The following TENM4 variants were observed in gnomAD, a reference collection of about 807,000 sequenced individuals.
TENM4 encodes teneurin transmembrane protein 4.
TENM4 carries 82 observed loss-of-function variants against 243.3 expected under a neutral mutation model. The observed-to-expected ratio is 0.34, with a 90% confidence interval of 0.28 to 0.40. TENM4 has a LOEUF of 0.40. Among genes scored for constraint, TENM4 ranks in the 10% least tolerant of loss-of-function variants. The pLI, the probability that TENM4 is intolerant of heterozygous loss-of-function variation, is 1.00. For synonymous variants in TENM4, 1,412 were observed against 1,456.3 expected (o/e 0.97, Z 0.69); for missense variants, 3,138 against 3,673.3 (o/e 0.85, Z 3.77).
chr11:78,986,030 G>A (rs1457625521), intron 6 of TENM4, among the ~76,000 whole-genome samples: 4 of 152,172 alleles, frequency 2.6e-5, no homozygotes, highest in African/African-American at 7.2e-5. Flanking sequence ...GAAGCACAAT[G>A]TCTTTAGAAC....
At chr11:79,354,121 A>G (rs1434899888) in intron 1 of TENM4, among the ~76,000 whole-genome samples, 1 of 152,214 alleles carries the variant, frequency 6.6e-6, no homozygotes, top group Non-Finnish European at 1.5e-5. Flanking sequence ...CATTGCCCAG[A>G]TAGAGAATAA....
At chr11:78,839,607 G>C (rs528542083) in intron 12 of TENM4, among the ~76,000 whole-genome samples, 3 of 151,882 alleles carry the variant, frequency 2.0e-5, no homozygotes, top group Admixed American at 6.6e-5. Flanking sequence ...CTTTTTCTCA[G>C]CCTCTTGTTT....
intron 6 of TENM4, among the ~76,000 whole-genome samples, chr11:78,996,591 G>C (rs577117480): frequency 1.3e-5 from 2 of 152,284 alleles, no homozygotes; most frequent in East Asian, 3.9e-4. Context: ...TACCCAGAAG[G>C]GATAGGAAGG....
At chr11:78,830,706 C>T (rs753703316) in intron 12 of TENM4, among the ~76,000 whole-genome samples, 1 of 152,174 alleles carries the variant, frequency 6.6e-6, no homozygotes, top group Non-Finnish European at 1.5e-5. Flanking sequence ...AGTGTAACCT[C>T]GCTTTCCTCT....
intron 4 of TENM4, among the ~76,000 whole-genome samples, chr11:79,109,679 G>A (rs974581875): frequency 6.6e-6 from 1 of 152,208 alleles, no homozygotes; most frequent in Non-Finnish European, 1.5e-5. Context: ...AGTAGGTAAC[G>A]AGTACATGTT....
chr11:78,908,449 G>A (rs1344711939), intron 6 of TENM4, among the ~76,000 whole-genome samples: 1 of 152,160 alleles, frequency 6.6e-6, no homozygotes, highest in Non-Finnish European at 1.5e-5. Context: ...AAATCGCAAA[G>A]CCCTGAATCA....
At chr11:79,024,324 C>T (rs1254233747) in intron 6 of TENM4, among the ~76,000 whole-genome samples, 4 of 152,150 alleles carry the variant, frequency 2.6e-5, no homozygotes, top group Non-Finnish European at 5.9e-5. Context: ...ACTTCCAAGA[C>T]CCTGGTTTAC....
intron 1 of TENM4, among the ~76,000 whole-genome samples, chr11:79,398,972 C>G (rs915933424): frequency 8.6e-5 from 13 of 151,938 alleles, no homozygotes; most frequent in African/African-American, 3.1e-4. Flanking sequence ...ACAGCACAGC[C>G]GAGGCACAGA....
chr11:79,338,916 C>T (rs1156407156), intron 1 of TENM4, among the ~76,000 whole-genome samples: 1 of 152,200 alleles, frequency 6.6e-6, no homozygotes, highest in African/African-American at 2.4e-5. Context: ...TCAAGACCAA[C>T]ATGGAAGTTG....
At chr11:78,863,276 G>C (rs1245053579) in intron 9 of TENM4, 144 bp from the exon 10 acceptor site, 8 of 937,818 alleles carry the variant, frequency 8.5e-6, no homozygotes, top group Non-Finnish European at 1.2e-5. Flanking sequence ...AGCTCTTGTA[G>C]TGCCAGCCCT....
At chr11:78,884,487 G>A (rs942481268) in intron 9 of TENM4, among the ~76,000 whole-genome samples, 1 of 152,158 alleles carries the variant, frequency 6.6e-6, no homozygotes, top group Non-Finnish European at 1.5e-5. Flanking sequence ...ATAGTTGGCT[G>A]AAAGCATGGC....
intron 25 of TENM4, among the ~76,000 whole-genome samples, chr11:78,713,247 G>A (rs1431701968): frequency 2.0e-5 from 3 of 152,144 alleles, no homozygotes; most frequent in Non-Finnish European, 2.9e-5. Flanking sequence ...CATCAACACC[G>A]TCTTCAGTGG....
intron 1 of TENM4, among the ~76,000 whole-genome samples, chr11:79,333,980 T>C (rs1312422916): frequency 3.3e-5 from 5 of 152,192 alleles, no homozygotes; most frequent in Admixed American, 2.0e-4. Context: ...TGGACTATTG[T>C]CTTTGATCTA....
intron 9 of TENM4, among the ~76,000 whole-genome samples, chr11:78,870,958 G>A (rs568557086): frequency 3.1e-4 from 47 of 152,280 alleles, no homozygotes; most frequent in Non-Finnish European, 2.6e-4. Context: ...ACCTTTCCCC[G>A]GGTGGGCTCT....
intron 4 of TENM4, among the ~76,000 whole-genome samples, chr11:79,125,043 G>A (rs772059513): frequency 2.6e-5 from 4 of 151,330 alleles, no homozygotes; most frequent in Admixed American, 2.0e-4. Context: ...TGGTTTCAGG[G>A]TTTCTGGAAT....
intron 18 of TENM4, among the ~76,000 whole-genome samples, chr11:78,764,657 C>T (rs35593773): frequency 0.11 from 16,949 of 152,242 alleles, 2,919 homozygotes; most frequent in African/African-American, 0.37. Context: ...AAAAGAGACA[C>T]AGGGAACATG....
chr11:78,892,425 C>T (rs1479682720), intron 7 of TENM4, among the ~76,000 whole-genome samples: 2 of 152,192 alleles, frequency 1.3e-5, no homozygotes, highest in Non-Finnish European at 1.5e-5. Flanking sequence ...TTTCTGACTT[C>T]GACCAGGTCT....
intron 6 of TENM4, among the ~76,000 whole-genome samples, chr11:78,963,210 A>T (rs952805033): frequency 6.6e-6 from 1 of 152,222 alleles, no homozygotes; most frequent in African/African-American, 2.4e-5. Context: ...GTTGTAAATC[A>T]GTCAGTCTGA....
At chr11:79,224,412 G>T (rs924650374) in intron 2 of TENM4, among the ~76,000 whole-genome samples, 6 of 152,148 alleles carry the variant, frequency 3.9e-5, no homozygotes, top group African/African-American at 1.4e-4. Context: ...TCTGAAATCA[G>T]TAAGTGAAGG....
Sources: gnomAD v4.1 joint callset for allele counts (sites outside exome capture counted in the v4.1 genomes callset) on GRCh38, gnomAD v4.1.1 for gene constraint, MANE v1.5 for transcripts, NCBI Gene and HGNC (gene_info 2026-07-23, HGNC 2026-07-21) for gene names.